The following RBFOX1 variants were observed in gnomAD, a reference collection of about 807,000 sequenced individuals.
The protein encoded by RBFOX1 is RNA binding fox-1 homolog 1, also known as RNA binding protein fox-1 homolog 1.
In RBFOX1, 8 loss-of-function variants were observed where a neutral mutation model predicts 57.7. That is an observed-to-expected ratio of 0.14 (90% CI 0.08 to 0.25). RBFOX1 has a LOEUF of 0.25. Ranked by LOEUF, RBFOX1 falls within the 10% of genes least tolerant of loss-of-function variation. The pLI is 1.00. For synonymous variants in RBFOX1, 326 were observed against 222.4 expected (o/e 1.47, Z -4.15); for missense variants, 611 against 548.5 (o/e 1.11, Z -1.14).
chr16:5,854,688 A>G (rs2056980928), intron 3 of RBFOX1, among the ~76,000 whole-genome samples: 1 of 152,168 alleles, frequency 6.6e-6, no homozygotes, highest in African/African-American at 2.4e-5. Context: ...GTAATGCTGC[A>G]GCGAACATGG....
At chr16:6,970,020 T>TA (rs547652258) in intron 3 of RBFOX1, among the ~76,000 whole-genome samples, 160 of 151,396 alleles carry the variant, frequency 1.1e-3, no homozygotes, top group South Asian at 1.3e-3. Context: ...AGACCCCATT[T>TA]AAAAAAAATT....
intron 2 of RBFOX1, among the ~76,000 whole-genome samples, chr16:6,333,340 C>T (rs2083267549): frequency 6.6e-6 from 1 of 152,140 alleles, no homozygotes; most frequent in Admixed American, 6.6e-5. Flanking sequence ...CCACTGCGCC[C>T]AGCCAGACAT....
At chr16:7,145,420 T>C (rs2074753056) in intron 4 of RBFOX1, among the ~76,000 whole-genome samples, 1 of 152,200 alleles carries the variant, frequency 6.6e-6, no homozygotes, top group African/African-American at 2.4e-5. Context: ...TTGGCCAGTC[T>C]GGTCTTGAAC....
chr16:7,285,434 T>G (rs1459709791), intron 4 of RBFOX1, among the ~76,000 whole-genome samples: 1 of 151,928 alleles, frequency 6.6e-6, no homozygotes, highest in Non-Finnish European at 1.5e-5. Context: ...TATCTGGTTT[T>G]GTAGAATTTT....
At chr16:5,854,144 A>G (rs966467286) in intron 3 of RBFOX1, among the ~76,000 whole-genome samples, 1 of 152,202 alleles carries the variant, frequency 6.6e-6, no homozygotes, top group Non-Finnish European at 1.5e-5. Flanking sequence ...CAAGCTAATG[A>G]TCATATCTGT....
At chr16:7,269,604 C>T (rs1188918449) in intron 4 of RBFOX1, among the ~76,000 whole-genome samples, 1 of 152,138 alleles carries the variant, frequency 6.6e-6, no homozygotes, top group Non-Finnish European at 1.5e-5. Flanking sequence ...TGGGAAATTA[C>T]ATGTAATGAT....
intron 3 of RBFOX1, among the ~76,000 whole-genome samples, chr16:6,956,397 C>G (rs1298380644): frequency 6.6e-6 from 1 of 152,184 alleles, no homozygotes; most frequent in East Asian, 1.9e-4. Flanking sequence ...GGGGAATGAG[C>G]AGGCTCCGCT....
chr16:7,227,280 A>G (rs1386123305), intron 4 of RBFOX1, among the ~76,000 whole-genome samples: 1 of 89,230 alleles, frequency 1.1e-5, no homozygotes, highest in Admixed American at 1.4e-4. Context: ...TACCACACAC[A>G]CCCCACCCCA....
At chr16:5,901,268 C>G (rs1260148045) in intron 4 of RBFOX1, among the ~76,000 whole-genome samples, 3 of 152,164 alleles carry the variant, frequency 2.0e-5, no homozygotes, top group East Asian at 3.9e-4. Context: ...TAGGCAGGTC[C>G]TAATCGTTCC....
chr16:7,004,247 T>C (rs180848210), intron 3 of RBFOX1: 20 of 152,314 alleles, frequency 1.3e-4, no homozygotes, highest in Admixed American at 8.5e-4. Flanking sequence ...CATAGAAGAA[T>C]ATATAATGCA....
At chr16:6,940,708 C>T (rs1250768631) in intron 3 of RBFOX1, among the ~76,000 whole-genome samples, 2 of 151,948 alleles carry the variant, frequency 1.3e-5, no homozygotes, top group African/African-American at 2.4e-5. Context: ...CGCCATTCTC[C>T]TGCCTCAGCC....
At chr16:5,794,662 C>T (rs533810736) in intron 3 of RBFOX1, among the ~76,000 whole-genome samples, 85 of 152,186 alleles carry the variant, frequency 5.6e-4, no homozygotes, top group African/African-American at 2.0e-3. Context: ...AGGAGTCGGG[C>T]GGCCCAGCAG....
At chr16:5,849,372 T>G (rs1037497705) in intron 3 of RBFOX1, among the ~76,000 whole-genome samples, 2 of 152,082 alleles carry the variant, frequency 1.3e-5, no homozygotes, top group Non-Finnish European at 2.9e-5. Flanking sequence ...CATGAGGCCC[T>G]GCTTCCTCAA....
intron 1 of RBFOX1, among the ~76,000 whole-genome samples, chr16:6,024,892 C>G (rs993735447): frequency 2.0e-5 from 3 of 152,214 alleles, no homozygotes; most frequent in Non-Finnish European, 2.9e-5. Context: ...CATGCAGATA[C>G]CTTGTCCTAA....
chr16:7,417,886 C>G lies in RBFOX1; in HGVS notation c.28-100261C>G, dbSNP rs368574642. ...CTTTCGTTCCTCTGTCATCTCCCATCTCCCTTTTCCTGCAGATGTATTGGG... is the reference window on the plus strand; with the variant it reads ...CTTTCGTTCCTCTGTCATCTCCCATGTCCCTTTTCCTGCAGATGTATTGGG... On this transcript the variant is annotated intron_variant, in intron 4 of 15. Coordinates refer to ENST00000550418, the MANE Select transcript of RBFOX1 (RefSeq NM_018723.4). 3.1e-4 allele frequency among the ~76,000 whole-genome samples: 47 copies of G among 152,288 alleles called. No homozygotes were observed. In the East Asian group the frequency reaches 3.9e-3, roughly 13 times the overall value.
chr16:7,294,668 G>C (rs975474018), intron 4 of RBFOX1, among the ~76,000 whole-genome samples: 1 of 152,036 alleles, frequency 6.6e-6, no homozygotes, highest in South Asian at 2.1e-4. Flanking sequence ...TAGGTGGCTG[G>C]GGTCAGCGAT....
intron 4 of RBFOX1, among the ~76,000 whole-genome samples, chr16:7,095,569 C>A (rs961065819): frequency 6.6e-6 from 1 of 152,074 alleles, no homozygotes; most frequent in Non-Finnish European, 1.5e-5. Context: ...CATTGTGAGC[C>A]CTTTCACACA....
chr16:5,880,517 C>T (rs1199450209), intron 4 of RBFOX1, among the ~76,000 whole-genome samples: 1 of 152,142 alleles, frequency 6.6e-6, no homozygotes, highest in African/African-American at 2.4e-5. Context: ...TACAATAATC[C>T]TATGGAAGAT....
chr16:6,909,661 T>G (rs1488683719), intron 3 of RBFOX1, among the ~76,000 whole-genome samples: 2 of 152,230 alleles, frequency 1.3e-5, no homozygotes, highest in East Asian at 1.9e-4. Flanking sequence ...CAAGTGAGGA[T>G]AGAGAAGTCG....
Sources: gnomAD v4.1 joint callset for allele counts (sites outside exome capture counted in the v4.1 genomes callset) on GRCh38, gnomAD v4.1.1 for gene constraint, MANE v1.5 for transcripts, NCBI Gene and HGNC (gene_info 2026-07-23, HGNC 2026-07-21) for gene names.